IL27RA: variants seen among roughly 807,000 people sequenced by gnomAD.
IL27RA encodes interleukin 27 receptor subunit alpha, also known as interleukin-27 receptor subunit alpha.
IL27RA carries 61 observed loss-of-function variants against 80.8 expected under a neutral mutation model. The observed-to-expected ratio is 0.76, with a 90% CI of 0.61 to 0.93. IL27RA has a LOEUF of 0.93. Among genes scored for constraint, IL27RA ranks in the 40% least tolerant of loss-of-function variants. IL27RA has a pLI of 0.00. For synonymous variants in IL27RA, 316 were observed against 332.5 expected (o/e 0.95, Z 0.54); for missense variants, 735 against 808.1 (o/e 0.91, Z 1.10).
chr19:14,049,830 A>G (rs963327028), intron 10 of IL27RA, among the ~76,000 whole-genome samples: 8 of 151,798 alleles, frequency 5.3e-5, no homozygotes, highest in African/African-American at 1.7e-4. Context: ...CACCCACCTC[A>G]GCCTCCCAAA....
At chr19:14,045,528 G>T (rs1976052416) in intron 6 of IL27RA, among the ~76,000 whole-genome samples, 1 of 150,858 alleles carries the variant, frequency 6.6e-6, no homozygotes, top group Non-Finnish European at 1.5e-5. Flanking sequence ...GTGAACCCGG[G>T]AGGCAGAGCT....
In IL27RA at chr19:14,039,545, G is replaced by A. The variant is rs774377074; in HGVS notation, c.256G>A (p.Gly86Arg). The change falls in exon 3 of 14, where the codon GGA becomes AGA. Residue 86 changes from glycine to arginine, a missense_variant. By Grantham distance (125) the Gly-to-Arg change is moderately radical. Coordinates refer to ENST00000263379, the MANE Select transcript of IL27RA (RefSeq NM_004843.4). ...NKTQTVAVAA[G>R]RSWVAIPREQ... Reference sequence around the variant, plus strand: ...AACCCAGACTGTGGCAGTGGCAGCCGGACGGAGCTGGGTGGCCATTCCTCG... The same window carrying A: ...AACCCAGACTGTGGCAGTGGCAGCCAGACGGAGCTGGGTGGCCATTCCTCG... 1.2e-5 allele frequency: 20 copies of A among 1,613,918 alleles called. No individual in the cohort carries two copies. The highest frequency in any genetic ancestry group is 1.6e-4 in the Middle Eastern group (1 of 6,082).
intron 1 of IL27RA, 145 bp from the exon 2 acceptor site, chr19:14,032,241 C>A: frequency 1.4e-6 from 1 of 737,058 alleles, no homozygotes; most frequent in Non-Finnish European, 2.3e-6. Flanking sequence ...GGAGCCCGGG[C>A]AGGGGTGCCT....
chr19:14,049,523 T>G (rs534906521), intron 10 of IL27RA, among the ~76,000 whole-genome samples: 1 of 152,186 alleles, frequency 6.6e-6, no homozygotes, highest in Non-Finnish European at 1.5e-5. Flanking sequence ...TGAAAGATGC[T>G]TGTCATATTT....
intron 2 of IL27RA, among the ~76,000 whole-genome samples, chr19:14,034,680 G>C (rs920149139): frequency 2.1e-5 from 3 of 141,484 alleles, no homozygotes; most frequent in African/African-American, 8.0e-5. Flanking sequence ...AAGGCCGGGC[G>C]CGGTGGCTCA....
Position 14,042,612 on chromosome 19 carries a change from G to T in IL27RA, c.694G>T (p.Ala232Ser), listed in dbSNP as rs139793647. 1.2e-6 allele frequency: 2 copies of T among 1,614,092 alleles called. No homozygotes were observed. Among genetic ancestry groups the T allele is most frequent in the Non-Finnish European group, 1.7e-6 (2 of 1,180,024 alleles). ...TTTGTCCTTCCAGACACCGCCTTCT[G>T]GTGAGGATATCTGGGCTTGCCCTCA... ...PILSFQTPPSAPKDVWVSGNL... is the reference protein window; with the variant it reads ...PILSFQTPPSSPKDVWVSGNL... Residue 232 changes from alanine (A) to serine (S), a missense_variant and splice_region_variant, in exon 5 of 14, where the codon GCT (alanine) becomes TCT (serine). Coordinates refer to ENST00000263379, the MANE Select transcript of IL27RA (RefSeq NM_004843.4).
rs761978996 is a variant in IL27RA at position 14,049,314 on chromosome 19, G to A, written c.1402G>A (p.Val468Met). The change falls in exon 10 of 14, where the codon GTG becomes ATG. Residue 468 changes from valine (V) to methionine (M), a missense_variant and splice_region_variant. By Grantham distance (21) the Val-to-Met change is conservative. Coordinates refer to ENST00000263379, the MANE Select transcript of IL27RA (RefSeq NM_004843.4). ...AACCAGCCCCTCCGTCTGCATGAATGGTGAGCTTCCCTGCCTGCTGACCTG... is the reference window on the plus strand; with the variant it reads ...AACCAGCCCCTCCGTCTGCATGAATAGTGAGCTTCCCTGCCTGCTGACCTG... ...SGTSPSVCMN[V>M]SGNTQSVTLP... The A allele has an allele frequency of 6.2e-7, 1 of 1,612,036 alleles. No homozygotes were observed. The highest frequency in any genetic ancestry group is 1.3e-5 in the African/African-American group (1 of 74,886).
At chr19:14,047,386 G>A (rs1976084729) in intron 8 of IL27RA, among the ~76,000 whole-genome samples, 1 of 148,066 alleles carries the variant, frequency 6.8e-6, no homozygotes, top group Non-Finnish European at 1.5e-5. Context: ...ATGGAGGCTG[G>A]CTCTGTCACC....
intron 6 of IL27RA, among the ~76,000 whole-genome samples, chr19:14,045,579 C>T (rs1419675350): frequency 1.3e-4 from 18 of 141,394 alleles, no homozygotes; most frequent in African/African-American, 3.7e-4. Context: ...CCAGCCTGGG[C>T]GACAGAGCGA....
chr19:14,045,000 C>T (rs1976043457), intron 6 of IL27RA, among the ~76,000 whole-genome samples: 1 of 151,498 alleles, frequency 6.6e-6, no homozygotes. Flanking sequence ...TGGCAGGCAC[C>T]TGTAATCCCA....
intron 2 of IL27RA, among the ~76,000 whole-genome samples, chr19:14,037,932 G>C (rs376211821): frequency 1.3e-5 from 2 of 150,328 alleles, no homozygotes; most frequent in Non-Finnish European, 3.0e-5. Flanking sequence ...CCTGGTTCAA[G>C]CGATTCTCCT....
At chr19:14,038,374 A>G (rs560345884) in intron 2 of IL27RA, among the ~76,000 whole-genome samples, 1 of 152,074 alleles carries the variant, frequency 6.6e-6, no homozygotes, top group East Asian at 1.9e-4. Context: ...CAAGAGTTAG[A>G]GGAGACCAGC....
At position 14,051,911 on chromosome 19, in the gene IL27RA, C is replaced by G; in HGVS notation, c.1654C>G (p.Arg552Gly). Residue 552 changes from arginine to glycine, a missense_variant, in exon 13 of 14, where the codon CGC (arginine) becomes GGC (glycine). Physicochemically the swap from Arg to Gly is moderately radical, Grantham distance 125. Transcript: ENST00000263379. Reference protein sequence around the residue: ...CYHLRHKVLPRWVWEKVPDPA... With the variant: ...CYHLRHKVLPGWVWEKVPDPA... Reference sequence around the variant, plus strand: ...CCACCTAAGGCACAAAGTGCTGCCCCGCTGGGTCTGGGAGAAAGTTCCTGA... The same window carrying G: ...CCACCTAAGGCACAAAGTGCTGCCCGGCTGGGTCTGGGAGAAAGTTCCTGA... The G allele has an allele frequency of 6.3e-7, 1 of 1,585,322 alleles. No individual in the cohort carries two copies. The highest frequency in any genetic ancestry group is 1.1e-5 in the South Asian group (1 of 87,526).
At chr19:14,044,036 A>G (rs1976028552) in intron 6 of IL27RA, among the ~76,000 whole-genome samples, 1 of 141,032 alleles carries the variant, frequency 7.1e-6, no homozygotes, top group Non-Finnish European at 1.5e-5. Flanking sequence ...CAACAAGAGC[A>G]AGACTCTGTC....
In IL27RA at chr19:14,039,919, T is replaced by C; in HGVS notation, c.534+9T>C. ...AGGCGGCCTGGACCCTGGTGAGTGC[T>C]GGGGTCCTTTTCTCCCCACCCTATT... On this transcript the variant is annotated intron_variant, in intron 4 of 13. Coordinates refer to ENST00000263379, the MANE Select transcript of IL27RA (RefSeq NM_004843.4). The C allele has an allele frequency of 6.2e-7, 1 of 1,613,118 alleles. No individual in the cohort carries two copies. The highest frequency in any genetic ancestry group is 1.3e-5 in the African/African-American group (1 of 75,034).
chr19:14,051,969 T>A lies in IL27RA; in HGVS notation c.1712T>A (p.Met571Lys). Residue 571 changes from methionine (M) to lysine (K), a missense_variant, in exon 13 of 14, where the codon ATG becomes AAG. Coordinates refer to ENST00000263379, the MANE Select transcript of IL27RA (RefSeq NM_004843.4). Reference sequence around the variant, plus strand: ...AACAGCAGTTCAGGCCAGCCCCACATGGAGGTGAGTCAAAGGGCCGGCTAG... The same window carrying A: ...AACAGCAGTTCAGGCCAGCCCCACAAGGAGGTGAGTCAAAGGGCCGGCTAG... ...PANSSSGQPH[M>K]EQVPEAQPLG... 4 of 1,577,814 alleles carry A rather than the reference T, an allele frequency of 2.5e-6. No individual in the cohort carries two copies. The highest frequency in any genetic ancestry group is 3.4e-6 in the Non-Finnish European group (4 of 1,162,476).
chr19:14,032,022 G>A (rs565796527), intron 1 of IL27RA, 50 bp downstream of exon 1: 3 of 1,495,944 alleles, frequency 2.0e-6, no homozygotes, highest in Admixed American at 1.9e-5. Flanking sequence ...TGCGCTCCCC[G>A]CGAAGGCGCC....
At position 14,049,038 on chromosome 19, in the gene IL27RA, G is replaced by T; in HGVS notation, c.1199G>T (p.Gly400Val). 2 of 1,613,972 alleles carry T rather than the reference G, an allele frequency of 1.2e-6. No homozygotes were observed. The highest frequency in any genetic ancestry group is 1.7e-6 in the Non-Finnish European group (2 of 1,179,926). Residue 400 changes from glycine to valine, a missense_variant, in exon 9 of 14, where the codon GGC becomes GTC. Gly to Val is a moderately radical substitution (Grantham distance 109, BLOSUM62 -3). Transcript: ENST00000263379. ...RITVTAVSASGLASASSVWGF... is the reference protein window; with the variant it reads ...RITVTAVSASVLASASSVWGF... ...ACTGTGACCGCAGTCTCTGCTTCAG[G>T]CTTGGCCTCTGCATCCTCCGTCTGG...
chr19:14,039,996 C>A, intron 4 of IL27RA, 86 bp downstream of exon 4: 2 of 1,329,016 alleles, frequency 1.5e-6, no homozygotes, highest in Non-Finnish European at 1.1e-6. Context: ...GCCCAGGACT[C>A]ATTCTGTGCC....
Sources: gnomAD v4.1 joint callset for allele counts (sites outside exome capture counted in the v4.1 genomes callset) on GRCh38, gnomAD v4.1.1 for gene constraint, MANE v1.5 for transcripts, NCBI Gene and HGNC (gene_info 2026-07-23, HGNC 2026-07-21) for gene names.